The following RECQL variants were observed in gnomAD, a reference collection of about 807,000 sequenced individuals.
RECQL encodes the protein ATP-dependent DNA helicase Q1.
A neutral mutation model predicts 75.8 loss-of-function variants in RECQL; 73 were observed. The ratio of observed to expected loss-of-function variants is 0.96; its 90% CI spans 0.80 to 1.17. The LOEUF (loss-of-function observed/expected upper bound fraction) is 1.17, where lower values mean the gene tolerates loss of function less well. Among genes scored for constraint, RECQL ranks in the 50% most tolerant of loss-of-function variants. The probability of loss-of-function intolerance (pLI) is 0.00; values close to 1 mark genes in which losing one functional copy is unlikely to be tolerated. For synonymous variants in RECQL, 248 were observed against 254.4 expected (o/e 0.97, Z 0.24); for missense variants, 699 against 772.1 (o/e 0.91, Z 1.12).
intron 2 of RECQL, among the ~76,000 whole-genome samples, chr12:21,495,375 T>A (rs1248835386): frequency 6.6e-6 from 1 of 152,142 alleles, no homozygotes; most frequent in African/African-American, 2.4e-5. Flanking sequence ...GGCGGGTGGA[T>A]CACGAGATCA....
rs773219645 is a variant in RECQL at position 21,477,891 on chromosome 12, T to G, written c.779A>C (p.His260Pro). 4.3e-6 allele frequency: 7 copies of G among 1,613,848 alleles called. No individual in the cohort carries two copies. Among genetic ancestry groups the G allele is most frequent in the Middle Eastern group, 1.6e-4 (1 of 6,084 alleles). The change falls in exon 7 of 15, where the codon CAC (histidine) becomes CCC (proline). Residue 260 changes from histidine to proline, a missense_variant. By Grantham distance (77) the His-to-Pro change is moderately conservative. Around this residue, in one of 2 missense-constraint regions of RECQL, gnomAD observed 669 missense variants for 713.5 expected, o/e 0.94. Transcript: ENST00000444129. ...LIGLTATATN[H>P]VLTDAQKILC... ...AATTTTCTGAGCATCCGTCAAAACG[T>G]GATTTGTTGCAGTTGCAGTCAGCCC...
chr12:21,486,949 A>G (rs886708294), intron 4 of RECQL, among the ~76,000 whole-genome samples: 1 of 152,134 alleles, frequency 6.6e-6, no homozygotes, highest in South Asian at 2.1e-4. Flanking sequence ...CTAGGATTAC[A>G]GGCATGAGCT....
At chr12:21,485,582 AT>A (rs988293094) in intron 5 of RECQL, among the ~76,000 whole-genome samples, 1 of 151,970 alleles carries the variant, frequency 6.6e-6, no homozygotes, top group African/African-American at 2.4e-5. Context: ...AGAAATCTGA[AT>A]TTTTTTTATA....
At chr12:21,487,127 CTCTATCCTTATAAAAATAAAGACAGA>C (rs1177446424) in intron 4 of RECQL, among the ~76,000 whole-genome samples, 12 of 151,952 alleles carry the variant, frequency 7.9e-5, no homozygotes, top group Non-Finnish European at 1.5e-4. Context: ...CTAAACAGAA[CTCTATCCTTATAAAAATAAAGACAGA>C]TTTTTATCAT....
chr12:21,475,595 T>C lies in RECQL; in HGVS notation c.1099-10A>G. 6.2e-7 allele frequency: 1 copy of C among 1,609,326 alleles called. No homozygotes were observed. The highest frequency in any genetic ancestry group is 2.2e-5 in the East Asian group (1 of 44,790). On this transcript the variant is annotated splice_polypyrimidine_tract_variant and intron_variant, in intron 9 of 14. Transcript: ENST00000444129. The stretch of plus-strand genomic sequence containing the variant: ...CAGTTGCCACTACTACCTGAAATAT[T>C]TTAACATTTTATCAGTTAATTAAAT...
In RECQL at chr12:21,489,550, C is replaced by T. The variant is rs190755793; in HGVS notation, c.394+649G>A. 3.4e-3 allele frequency among the ~76,000 whole-genome samples: 516 copies of T among 152,322 alleles called. 3 individuals carry two copies. The highest frequency in any genetic ancestry group is 0.012 in the African/African-American group (479 of 41,570). ...ATGAGTTCTGTGAAAACTAAGACCA[C>T]GCCCATTTTGCTCACTACTGTGTCT... On this transcript the variant is annotated intron_variant, in intron 4 of 14. Transcript: ENST00000444129.
At chr12:21,482,691 G>A (rs7976415) in intron 6 of RECQL, among the ~76,000 whole-genome samples, 23,847 of 152,160 alleles carry the variant, frequency 0.16, 2,283 homozygotes, top group Middle Eastern at 0.27. Flanking sequence ...TGTAGGGACA[G>A]GAGCCTGGAT....
intron 5 of RECQL, among the ~76,000 whole-genome samples, chr12:21,484,341 C>A (rs747585787): frequency 2.0e-5 from 3 of 151,970 alleles, no homozygotes; most frequent in South Asian, 2.1e-4. Context: ...TTCTTTTTTT[C>A]TCTCTCCAAC....
chr12:21,483,677 C>T, intron 5 of RECQL, 103 bp from the exon 6 acceptor site: 1 of 810,348 alleles, frequency 1.2e-6, no homozygotes, highest in Non-Finnish European at 1.9e-6. Flanking sequence ...GCAATAATAG[C>T]CTTTGGCTCT....
intron 6 of RECQL, among the ~76,000 whole-genome samples, chr12:21,480,913 C>G (rs1943180672): frequency 6.6e-6 from 1 of 152,348 alleles, no homozygotes; most frequent in African/African-American, 2.4e-5. Context: ...GTTCTCCCAG[C>G]CCTACAGGTG....
rs776177049 is a variant in RECQL at position 21,490,251 on chromosome 12, A to T, written c.342T>A (p.Pro114=). 6.2e-7 allele frequency: 1 copy of T among 1,613,054 alleles called. No homozygotes were observed. Among genetic ancestry groups the T allele is most frequent in the Non-Finnish European group, 8.5e-7 (1 of 1,179,178 alleles). The part of the protein sequence containing the change: ...MAGKEVFLVM[P]TGGGKSLCYQ... ...AACATAAGCTCTTTCCACCTCCTGT[A>T]GGCATAACAAGAAATACCTCCTTTC... Residue 114 remains proline, a synonymous_variant, in exon 4 of 15, where the codon CCT becomes CCA. Coordinates refer to ENST00000444129, the MANE Select transcript of RECQL (RefSeq NM_002907.4).
At chr12:21,479,473 CTTTCGAG>C (rs1400336939) in intron 6 of RECQL, among the ~76,000 whole-genome samples, 3 of 151,572 alleles carry the variant, frequency 2.0e-5, no homozygotes, top group Non-Finnish European at 4.4e-5. Context: ...CCGCCTTAGC[CTTTCGAG>C]TAGCTGGGAT....
chr12:21,484,506 T>C (rs1398652033), intron 5 of RECQL, among the ~76,000 whole-genome samples: 2 of 152,120 alleles, frequency 1.3e-5, no homozygotes, highest in Non-Finnish European at 2.9e-5. Flanking sequence ...GGAGCAGTTA[T>C]AATAGAATGA....
At chr12:21,472,387 AAT>A (rs2137322149) in intron 12 of RECQL, among the ~76,000 whole-genome samples, 1 of 152,270 alleles carries the variant, frequency 6.6e-6, no homozygotes, top group Non-Finnish European at 1.5e-5. Flanking sequence ...GTTTATTAGC[AAT>A]AGAGTATAGG....
At chr12:21,472,635 C>T (rs1232865917) in intron 12 of RECQL, among the ~76,000 whole-genome samples, 2 of 152,004 alleles carry the variant, frequency 1.3e-5, no homozygotes, top group African/African-American at 4.8e-5. Flanking sequence ...CATGCAAATA[C>T]ATTATATTTT....
chr12:21,492,715 G>T (rs1457288780), intron 2 of RECQL, among the ~76,000 whole-genome samples: 1 of 152,190 alleles, frequency 6.6e-6, no homozygotes, highest in Non-Finnish European at 1.5e-5. Flanking sequence ...TTAGGAAACT[G>T]CTGCCTCACT....
chr12:21,498,618 A>T (rs1943551258), intron 2 of RECQL, among the ~76,000 whole-genome samples: 1 of 152,206 alleles, frequency 6.6e-6, no homozygotes, highest in African/African-American at 2.4e-5. Context: ...ATTAAGGGGA[A>T]ATCAGATAGC....
chr12:21,486,335 G>T (rs1174603722), intron 5 of RECQL, 144 bp downstream of exon 5: 9 of 1,021,190 alleles, frequency 8.8e-6, no homozygotes, highest in Non-Finnish European at 9.1e-6. Context: ...TAGACAGTGG[G>T]CCAGAACTGG....
chr12:21,488,208 T>C (rs1943342456), intron 4 of RECQL, among the ~76,000 whole-genome samples: 1 of 152,176 alleles, frequency 6.6e-6, no homozygotes, highest in East Asian at 1.9e-4. Context: ...CCTTACGTAT[T>C]TGACATTTTG....
Sources: allele counts gnomAD v4.1 joint callset (sites outside exome capture counted in the v4.1 genomes callset), GRCh38; gene constraint gnomAD v4.1.1; regional missense constraint gnomAD v4.1.1; transcripts MANE v1.5; gene names NCBI Gene and HGNC (gene_info 2026-07-23, HGNC 2026-07-21).